The following CLASP1 variants were observed in gnomAD, a reference collection of about 807,000 sequenced individuals.
CLASP1 encodes the protein CLIP-associating protein 1.
Under a neutral mutation model 192.3 loss-of-function variants are expected in CLASP1, and 38 were observed. The observed-to-expected ratio is 0.20, with a 90% CI of 0.15 to 0.26. The LOEUF (loss-of-function observed/expected upper bound fraction) is 0.26. CLASP1 is among the 10% of genes least tolerant of loss of function. The probability of loss-of-function intolerance (pLI) is 1.00; values close to 1 mark genes in which losing one functional copy is unlikely to be tolerated. For missense variants in CLASP1, 1,433 were observed against 1,932.5 expected (o/e 0.74, Z 4.85); for synonymous variants, 691 against 712.8 (o/e 0.97, Z 0.49).
intron 8 of CLASP1, among the ~76,000 whole-genome samples, chr2:121,478,876 CCACACACACACCACA>C (rs2092204130): frequency 1.6e-5 from 1 of 62,424 alleles, no homozygotes; most frequent in Non-Finnish European, 3.3e-5. Flanking sequence ...ACACACCACA[CCACACACACACCACA>C]CACACACACC....
At chr2:121,478,761 A>ACACACC (rs2092077607) in intron 8 of CLASP1, among the ~76,000 whole-genome samples, 1 of 31,318 alleles carries the variant, frequency 3.2e-5, no homozygotes, top group African/African-American at 2.1e-4. Context: ...CCACACACAC[A>ACACACC]CCACACACCC....
chr2:121,358,837 A>T (rs1457450460), intron 37 of CLASP1, among the ~76,000 whole-genome samples: 1 of 152,242 alleles, frequency 6.6e-6, no homozygotes. Context: ...CTGGTGCCTT[A>T]AACACCACGA....
At chr2:121,648,866 C>A (rs945438550) in intron 1 of CLASP1, among the ~76,000 whole-genome samples, 1 of 152,254 alleles carries the variant, frequency 6.6e-6, no homozygotes, top group Non-Finnish European at 1.5e-5. Flanking sequence ...TTGTCTGGCC[C>A]GGTTGGGAGC....
intron 2 of CLASP1, among the ~76,000 whole-genome samples, chr2:121,550,645 G>C (rs962617928): frequency 1.3e-5 from 2 of 152,132 alleles, no homozygotes; most frequent in Non-Finnish European, 2.9e-5. Flanking sequence ...GCCTGGAAGA[G>C]ATGAATTAAT....
At chr2:121,415,709 AGGT>A (rs1422868187) in intron 23 of CLASP1, among the ~76,000 whole-genome samples, 16 of 152,364 alleles carry the variant, frequency 1.1e-4, no homozygotes, top group African/African-American at 3.6e-4. Flanking sequence ...GAAAATTTAT[AGGT>A]TTAACAAAAT....
intron 39 of CLASP1, among the ~76,000 whole-genome samples, chr2:121,345,090 C>CA (rs2063284123): frequency 6.6e-6 from 1 of 152,166 alleles, no homozygotes; most frequent in African/African-American, 2.4e-5. Context: ...ACCTGGGAGA[C>CA]AGAGGTTGTC....
chr2:121,524,027 G>C (rs1221108246), intron 6 of CLASP1, among the ~76,000 whole-genome samples: 1 of 152,216 alleles, frequency 6.6e-6, no homozygotes, highest in Non-Finnish European at 1.5e-5. Flanking sequence ...GTTCTGGCTA[G>C]TGTCGGTCTG....
intron 2 of CLASP1, among the ~76,000 whole-genome samples, chr2:121,576,354 T>C (rs1050226019): frequency 6.6e-6 from 1 of 152,156 alleles, no homozygotes; most frequent in African/African-American, 2.4e-5. Flanking sequence ...GGTTATGGGA[T>C]TTCAAAAACA....
At chr2:121,464,474 T>C (rs1020077690) in intron 9 of CLASP1, among the ~76,000 whole-genome samples, 9 of 152,144 alleles carry the variant, frequency 5.9e-5, no homozygotes, top group African/African-American at 1.7e-4. Flanking sequence ...AGTGTAAAAG[T>C]GTTCCTATTT....
At chr2:121,633,951 G>A (rs542626291) in intron 1 of CLASP1, among the ~76,000 whole-genome samples, 3 of 151,026 alleles carry the variant, frequency 2.0e-5, no homozygotes, top group East Asian at 2.0e-4. Context: ...AGCTTGTAGT[G>A]AGCCCCACTG....
At chr2:121,531,021 T>G (rs1388288354) in intron 2 of CLASP1, 14 of 699,966 alleles carry the variant, frequency 2.0e-5, no homozygotes, top group Non-Finnish European at 3.6e-5. Context: ...AAAACCTGTT[T>G]TCATAGACTT....
chr2:121,391,441 T>C (rs2074326514), intron 30 of CLASP1, among the ~76,000 whole-genome samples: 1 of 152,210 alleles, frequency 6.6e-6, no homozygotes, highest in Admixed American at 6.5e-5. Flanking sequence ...GCATTTGGCT[T>C]CTTAGATAAA....
At chr2:121,498,174 T>G (rs2150205710) in intron 8 of CLASP1, among the ~76,000 whole-genome samples, 1 of 151,606 alleles carries the variant, frequency 6.6e-6, no homozygotes, top group Admixed American at 6.6e-5. Flanking sequence ...TTCTTTCTTT[T>G]TACTGTGGTA....
intron 2 of CLASP1, among the ~76,000 whole-genome samples, chr2:121,569,967 C>A (rs767555574): frequency 1.9e-4 from 29 of 152,174 alleles, no homozygotes; most frequent in Non-Finnish European, 3.2e-4. Context: ...CTAGATTCTG[C>A]CACTTACTAC....
intron 2 of CLASP1, among the ~76,000 whole-genome samples, chr2:121,557,091 T>C (rs1010258268): frequency 3.3e-5 from 5 of 152,342 alleles, no homozygotes; most frequent in Non-Finnish European, 7.3e-5. Context: ...TCTCCCTATT[T>C]TGCAGTGCTG....
At chr2:121,517,922 C>T (rs12615527) in intron 6 of CLASP1, among the ~76,000 whole-genome samples, 15,405 of 118,478 alleles carry the variant, frequency 0.13, 1,202 homozygotes, top group African/African-American at 0.24. Flanking sequence ...TATGGTGGCT[C>T]GTGCCTATAA....
chr2:121,514,745 C>A (rs771979107), intron 7 of CLASP1, among the ~76,000 whole-genome samples: 33 of 152,158 alleles, frequency 2.2e-4, no homozygotes, highest in Non-Finnish European at 8.8e-5. Flanking sequence ...ACAGTTGACT[C>A]CTGTATATTT....
chr2:121,396,226 G>T (rs1417187754), intron 30 of CLASP1, among the ~76,000 whole-genome samples: 4 of 152,156 alleles, frequency 2.6e-5, no homozygotes, highest in African/African-American at 7.2e-5. Context: ...TGAAGGTGAG[G>T]AGTTAAGTAC....
In CLASP1 at chr2:121,418,611, C is replaced by T. The variant is rs373529210; in HGVS notation, c.2320+11G>A. 57 of 1,599,486 alleles carry T rather than the reference C, an allele frequency of 3.6e-5. No homozygotes were observed. The African/African-American group carries it at 6.2e-4, about 17-fold the overall frequency. On this transcript the variant is annotated intron_variant, in intron 23 of 39. Transcript: ENST00000263710. ...CTCTTTGCTCCTCAGCCAGCACCTA[C>T]GTGTACTCACCAAGTGGAGGAAAGC...
Sources: allele counts gnomAD v4.1 joint callset (sites outside exome capture counted in the v4.1 genomes callset), GRCh38; gene constraint gnomAD v4.1.1; transcripts MANE v1.5; gene names NCBI Gene and HGNC (gene_info 2026-07-23, HGNC 2026-07-21).